The following CERS3 variants were observed in gnomAD, a reference collection of about 807,000 sequenced individuals.
The protein encoded by CERS3 is ceramide synthase 3.
In CERS3, 33 loss-of-function variants were observed where a neutral mutation model predicts 50.3. The observed-to-expected ratio is 0.66, with a 90% CI of 0.50 to 0.88. The LOEUF (loss-of-function observed/expected upper bound fraction) is 0.88. CERS3 is among the 40% of genes least tolerant of loss of function. CERS3 has a pLI of 0.00. For synonymous variants in CERS3, 176 were observed against 155.2 expected (o/e 1.13, Z -0.99); for missense variants, 470 against 460.3 (o/e 1.02, Z -0.19).
At chr15:100,500,953 C>G (rs2035978716) in intron 3 of CERS3, among the ~76,000 whole-genome samples, 1 of 152,080 alleles carries the variant, frequency 6.6e-6, no homozygotes. Context: ...CTCTTTGCTC[C>G]AAATAAATTA....
At chr15:100,533,558 C>G (rs1225275281), upstream of CERS3, among the ~76,000 whole-genome samples, 4 of 129,492 alleles carry the variant, frequency 3.1e-5, no homozygotes, top group Middle Eastern at 4.1e-3. Context: ...CCTTCCCTCT[C>G]TCTCTTTTTT....
chr15:100,412,156 C>T (rs2031541321), intron 11 of CERS3, among the ~76,000 whole-genome samples: 1 of 151,860 alleles, frequency 6.6e-6, no homozygotes, highest in African/African-American at 2.4e-5. Flanking sequence ...ATTGTCTGTG[C>T]CTTTAGTGTC....
At chr15:100,463,780 T>C (rs1208419830) in intron 10 of CERS3, among the ~76,000 whole-genome samples, 1 of 152,196 alleles carries the variant, frequency 6.6e-6, no homozygotes, top group Non-Finnish European at 1.5e-5. Context: ...TTTCTTGCCT[T>C]GTACCTTCCT....
At chr15:100,411,923 A>G (rs990233033) in intron 11 of CERS3, among the ~76,000 whole-genome samples, 2 of 152,160 alleles carry the variant, frequency 1.3e-5, no homozygotes, top group African/African-American at 4.8e-5. Flanking sequence ...AGAAAGGTCT[A>G]TTCAAGTCCT....
chr15:100,478,884 C>G (rs187900880), intron 7 of CERS3, among the ~76,000 whole-genome samples: 5 of 151,896 alleles, frequency 3.3e-5, no homozygotes, highest in Non-Finnish European at 7.4e-5. Flanking sequence ...GTAACTTGAC[C>G]GATTTACAGA....
intron 1 of CERS3, among the ~76,000 whole-genome samples, chr15:100,527,888 T>C (rs1427196609): frequency 5.3e-5 from 8 of 151,660 alleles, no homozygotes; most frequent in Middle Eastern, 3.2e-3. Flanking sequence ...TTAAAGAACT[T>C]TTTATCCAGA....
At chr15:100,462,810 G>A (rs1334962373) in intron 10 of CERS3, among the ~76,000 whole-genome samples, 1 of 152,194 alleles carries the variant, frequency 6.6e-6, no homozygotes, top group Non-Finnish European at 1.5e-5. Context: ...TGCAATACGT[G>A]ATCTGGAGCT....
intron 10 of CERS3, among the ~76,000 whole-genome samples, chr15:100,468,192 T>C: frequency 6.6e-6 from 1 of 152,212 alleles, no homozygotes; most frequent in Non-Finnish European, 1.5e-5. Flanking sequence ...TAGTATTTAC[T>C]GATTCTTTAC....
chr15:100,494,257 A>ATAT (rs2035743801), intron 3 of CERS3, among the ~76,000 whole-genome samples: 1 of 13,034 alleles, frequency 7.7e-5, no homozygotes, highest in African/African-American at 1.5e-4. Context: ...ATATATATAT[A>ATAT]TTTGTTTTGA....
At chr15:100,456,844 G>A (rs1004957928) in intron 10 of CERS3, among the ~76,000 whole-genome samples, 2 of 152,036 alleles carry the variant, frequency 1.3e-5, no homozygotes, top group Non-Finnish European at 2.9e-5. Context: ...CTACTGGGGA[G>A]GCTGAGGCAA....
chr15:100,516,336 G>A (rs897987551), intron 2 of CERS3, among the ~76,000 whole-genome samples: 5 of 152,326 alleles, frequency 3.3e-5, no homozygotes, highest in Non-Finnish European at 7.4e-5. Flanking sequence ...CTGCAGTCAG[G>A]AAACCCAGTT....
intron 11 of CERS3, among the ~76,000 whole-genome samples, chr15:100,427,236 C>G (rs1012486595): frequency 6.6e-6 from 1 of 152,036 alleles, no homozygotes; most frequent in Non-Finnish European, 1.5e-5. Flanking sequence ...TCCTGCTGGA[C>G]AGCGCTGCAT....
chr15:100,453,518 T>C (rs2034250192), intron 11 of CERS3, among the ~76,000 whole-genome samples: 1 of 152,172 alleles, frequency 6.6e-6, no homozygotes, highest in Non-Finnish European at 1.5e-5. Context: ...ATGAAGGGCA[T>C]ATATGACAGA....
chr15:100,516,988 C>G (rs563503091), intron 2 of CERS3, among the ~76,000 whole-genome samples: 6 of 152,308 alleles, frequency 3.9e-5, no homozygotes, highest in African/African-American at 1.4e-4. Context: ...GCCACTTTCA[C>G]CACTTTCCAA....
At chr15:100,459,956 T>C (rs1441644311) in intron 10 of CERS3, among the ~76,000 whole-genome samples, 1 of 152,170 alleles carries the variant, frequency 6.6e-6, no homozygotes. Flanking sequence ...CATTTTTCTA[T>C]TGGAGCATTT....
intron 11 of CERS3, among the ~76,000 whole-genome samples, chr15:100,422,928 A>G (rs1026740980): frequency 1.6e-5 from 1 of 61,376 alleles, no homozygotes; most frequent in Non-Finnish European, 3.0e-5. Context: ...CACTCTGGGG[A>G]CTGTTGTGGG....
intron 2 of CERS3, among the ~76,000 whole-genome samples, chr15:100,504,216 G>A (rs978418414): frequency 2.0e-5 from 3 of 150,412 alleles, no homozygotes; most frequent in South Asian, 2.1e-4. Context: ...CCTGGAGAAA[G>A]GCTGCCTTTT....
At chr15:100,440,067 C>T (rs1301233799) in intron 11 of CERS3, among the ~76,000 whole-genome samples, 1 of 152,208 alleles carries the variant, frequency 6.6e-6, no homozygotes, top group Non-Finnish European at 1.5e-5. Flanking sequence ...TGTCTCTCAC[C>T]AGTTAATAAG....
intron 11 of CERS3, among the ~76,000 whole-genome samples, chr15:100,427,751 T>C (rs1260064397): frequency 6.6e-6 from 1 of 152,236 alleles, no homozygotes; most frequent in African/African-American, 2.4e-5. Flanking sequence ...ATTCATTTTC[T>C]TCTAACAAGT....
Sources: allele counts gnomAD v4.1 joint callset (sites outside exome capture counted in the v4.1 genomes callset), GRCh38; gene constraint gnomAD v4.1.1; transcripts MANE v1.5; gene names NCBI Gene and HGNC (gene_info 2026-07-23, HGNC 2026-07-21).